NELFA: variants seen among roughly 807,000 people sequenced by gnomAD.
The protein encoded by NELFA is negative elongation factor complex member A.
In NELFA, 35 loss-of-function variants were observed where a neutral mutation model predicts 51.8. That is an observed-to-expected ratio of 0.68 (90% CI 0.52 to 0.90). The LOEUF is 0.90. NELFA is among the 40% of genes least tolerant of loss of function. NELFA has a pLI of 0.00. For synonymous variants in NELFA, 417 were observed against 338.4 expected (o/e 1.23, Z -2.55); for missense variants, 658 against 746.4 (o/e 0.88, Z 1.38).
At chr4:1,987,165 G>C (rs1054234782) in intron 4 of NELFA, among the ~76,000 whole-genome samples, 16 of 152,182 alleles carry the variant, frequency 1.1e-4, no homozygotes, top group Non-Finnish European at 2.1e-4. Flanking sequence ...GATTATGGGA[G>C]CCCAAATAAA....
chr4:1,986,684 G>A (rs1455468810), intron 4 of NELFA: 6 of 404,002 alleles, frequency 1.5e-5, no homozygotes. Context: ...TGTGGCGGGG[G>A]CTGAGCTCTG....
rs1205655110 is a variant in NELFA at position 2,008,809 on chromosome 4, C to G, written c.151G>C (p.Ala51Pro). The change falls in exon 1 of 11, where the codon GCA becomes CCA. Residue 51 changes from alanine to proline, a missense_variant. Around this residue, in one of 3 missense-constraint regions of NELFA, gnomAD observed 371 missense variants for 448.3 expected, o/e 0.83. Coordinates refer to ENST00000382882, the MANE Select transcript of NELFA (RefSeq NM_005663.5). ...IRLCFHGLSS[A>P]VKLKLLLGTL... Reference sequence around the variant, plus strand: ...CCGAGTAGCAACTTGAGCTTCACTGCCGACGAGAGGCCATGGAAGCAGAGA... The same window carrying G: ...CCGAGTAGCAACTTGAGCTTCACTGGCGACGAGAGGCCATGGAAGCAGAGA... 2 of 1,612,746 alleles carry G rather than the reference C, an allele frequency of 1.2e-6. No individual in the cohort carries two copies. Among genetic ancestry groups the G allele is most frequent in the East Asian group, 2.2e-5 (1 of 44,814 alleles).
Position 2,007,681 on chromosome 4 carries a change from T to A in NELFA, c.210+1069A>T, listed in dbSNP as rs144901233. On this transcript the variant is annotated intron_variant, in intron 1 of 10. Transcript: ENST00000382882. ...AAAGGAAGAAGGCCGTGATTACCAG[T>A]GGGAGGCTTCCAAGGAACAGGCATG... Among the ~76,000 whole-genome samples, 18 of 152,220 alleles carry A rather than the reference T, an allele frequency of 1.2e-4. No homozygotes were observed. In the East Asian group the frequency reaches 3.5e-3, roughly 29 times the overall value.
intron 1 of NELFA, among the ~76,000 whole-genome samples, chr4:2,001,385 T>C (rs1447643888): frequency 6.6e-6 from 1 of 152,228 alleles, no homozygotes; most frequent in African/African-American, 2.4e-5. Context: ...CATGATTTTA[T>C]ATTTAGAAAA....
At chr4:2,005,149 T>C (rs907720274) in intron 1 of NELFA, among the ~76,000 whole-genome samples, 2 of 152,046 alleles carry the variant, frequency 1.3e-5, no homozygotes, top group Admixed American at 1.3e-4. Flanking sequence ...AAAGATTTTT[T>C]TTTACAAGTC....
intron 1 of NELFA, among the ~76,000 whole-genome samples, chr4:2,002,028 G>A (rs1259568806): frequency 1.3e-5 from 2 of 150,912 alleles, no homozygotes; most frequent in Non-Finnish European, 2.9e-5. Context: ...GTGAAACCCT[G>A]TCTCTACTAA....
chr4:1,984,696 G>T (rs573757547), intron 8 of NELFA, 112 bp downstream of exon 8: 23 of 719,486 alleles, frequency 3.2e-5, no homozygotes, highest in African/African-American at 2.5e-4. Context: ...TGAGGCAGAA[G>T]GGGGACAACA....
At position 1,998,101 on chromosome 4, in the gene NELFA, A is replaced by AAC. The variant is rs1728480518; in HGVS notation, c.211-6388_211-6387dup. On this transcript the variant is annotated intron_variant, in intron 1 of 10. Coordinates refer to ENST00000382882, the MANE Select transcript of NELFA (RefSeq NM_005663.5). ...AGCAGAAAACGACAACAGCATCAAC[A>AAC]ACAACAACAACAACCACAACAAAAG... Among the ~76,000 whole-genome samples, 3 of 135,852 alleles carry AAC rather than the reference A, an allele frequency of 2.2e-5. No homozygotes were observed. In the South Asian group the frequency reaches 6.7e-4, roughly 30 times the overall value. 89.1% of individuals were successfully genotyped at this position (135,852 alleles called of 152,430 possible).
In NELFA at chr4:1,983,367, G is replaced by T; in HGVS notation, c.1539C>A (p.Gly513=). 1 of 1,614,222 alleles carries T rather than the reference G, an allele frequency of 6.2e-7. No individual in the cohort carries two copies. The highest frequency in any genetic ancestry group is 8.5e-7 in the Non-Finnish European group (1 of 1,180,044). The change falls in exon 11 of 11, where the codon GGC becomes GGA. Residue 513 remains glycine (G), a synonymous_variant. Coordinates refer to ENST00000382882, the MANE Select transcript of NELFA (RefSeq NM_005663.5). ...DTVFEMNYAT[G]QWTRFKKYKP... Reference sequence around the variant, plus strand: ...TGTACTTCTTGAAGCGCGTCCACTGGCCCGTGGCATAGTTCATCTCAAACA... The same window carrying T: ...TGTACTTCTTGAAGCGCGTCCACTGTCCCGTGGCATAGTTCATCTCAAACA...
intron 1 of NELFA, among the ~76,000 whole-genome samples, chr4:1,994,194 G>A (rs1251742623): frequency 1.3e-5 from 2 of 152,004 alleles, no homozygotes; most frequent in African/African-American, 4.8e-5. Flanking sequence ...GAGCCCAGGG[G>A]TTCAAGGCTG....
intron 1 of NELFA, chr4:2,007,963 C>T (rs1431741062): frequency 6.6e-6 from 3 of 456,778 alleles, no homozygotes; most frequent in Non-Finnish European, 1.3e-5. Context: ...GAAAACAAAC[C>T]TCACACACCC....
intron 8 of NELFA, among the ~76,000 whole-genome samples, chr4:1,984,407 C>T (rs1728016605): frequency 1.3e-5 from 2 of 152,302 alleles, no homozygotes; most frequent in African/African-American, 2.4e-5. Context: ...AAGGCTGTAT[C>T]CTCAAGCCCC....
rs1263561880 is a variant in NELFA at position 1,984,067 on chromosome 4, G to A, written c.1083C>T (p.Ala361=). 1.3e-6 allele frequency: 2 copies of A among 1,597,800 alleles called. No homozygotes were observed. Residue 361 remains alanine, a synonymous_variant, in exon 9 of 11, where the codon GCC becomes GCT. Transcript: ENST00000382882. ...EASRPPEEPS[A]PSPTLPAQFK... ...ACTGCGCTGGCAACGTGGGGCTCGG[G>A]GCGCTGGGCTCCTCTGGTGGGCGGC... is the stretch of plus-strand genomic sequence containing the variant.
intron 1 of NELFA, among the ~76,000 whole-genome samples, chr4:1,993,366 G>A (rs909435233): frequency 2.0e-5 from 3 of 152,112 alleles, no homozygotes; most frequent in Admixed American, 2.0e-4. Flanking sequence ...CGGCTCACGA[G>A]GTCAGGAGTT....
At chr4:2,003,239 C>G (rs533510487) in intron 1 of NELFA, among the ~76,000 whole-genome samples, 9 of 152,096 alleles carry the variant, frequency 5.9e-5, no homozygotes, top group African/African-American at 2.2e-4. Context: ...TAGATGCTAG[C>G]GAGGCTGTGG....
intron 4 of NELFA, chr4:1,986,709 C>T (rs1728111805): frequency 2.7e-6 from 1 of 368,836 alleles, no homozygotes; most frequent in South Asian, 2.9e-5. Flanking sequence ...CTTCCTGTGC[C>T]TCCACCGGCA....
chr4:2,008,634 C>G, intron 1 of NELFA, 116 bp downstream of exon 1: 2 of 1,174,932 alleles, frequency 1.7e-6, no homozygotes, highest in East Asian at 2.8e-5. Flanking sequence ...GGTTAACAGT[C>G]TGAAGGGGGA....
At position 1,984,913 on chromosome 4, in the gene NELFA, C is replaced by T. The variant is rs202169616; in HGVS notation, c.931G>A (p.Gly311Arg). ...AAGLVSTQKL[G>R]SLNNEPALPS... ...AGCGCAGGCTCATTGTTCAGGGACC[C>T]AAGTTTCTGGAACACAGAGTTTAAG... is the stretch of plus-strand genomic sequence containing the variant. Residue 311 changes from glycine (G) to arginine (R), a missense_variant, in exon 8 of 11, where the codon GGG (glycine) becomes AGG (arginine). Gly to Arg is a moderately radical substitution (Grantham distance 125). Around this residue, in one of 3 missense-constraint regions of NELFA, gnomAD observed 371 missense variants for 448.3 expected, o/e 0.83. Coordinates refer to ENST00000382882, the MANE Select transcript of NELFA (RefSeq NM_005663.5). 2 of 1,570,684 alleles carry T rather than the reference C, an allele frequency of 1.3e-6. No individual in the cohort carries two copies. Among genetic ancestry groups the T allele is most frequent in the South Asian group, 1.2e-5 (1 of 85,080 alleles).
At chr4:1,984,205 T>G (rs1728010621) in intron 8 of NELFA, 92 bp from the exon 9 acceptor site, 17 of 1,372,468 alleles carry the variant, frequency 1.2e-5, no homozygotes, top group Non-Finnish European at 1.4e-5. Context: ...CAGCTCCCCT[T>G]CTCTGTCCTG....
Sources: allele counts gnomAD v4.1 joint callset (sites outside exome capture counted in the v4.1 genomes callset), GRCh38; gene constraint gnomAD v4.1.1; regional missense constraint gnomAD v4.1.1; transcripts MANE v1.5; gene names NCBI Gene and HGNC (gene_info 2026-07-23, HGNC 2026-07-21).